The following VTI1B variants were observed in gnomAD, a reference collection of about 807,000 sequenced individuals.
The protein encoded by VTI1B is vesicle transport through interaction with t-SNAREs homolog 1B.
In VTI1B, 18 loss-of-function variants were observed where a neutral mutation model predicts 28.6. That is an observed-to-expected ratio of 0.63 (90% CI 0.43 to 0.93). The LOEUF is 0.93. VTI1B is among the 40% of genes least tolerant of loss of function. VTI1B has a pLI of 0.00. For missense variants in VTI1B, 283 were observed against 297.0 expected, an observed-to-expected ratio of 0.95 and a Z score of 0.35; for synonymous variants, 100 against 107.9, an observed-to-expected ratio of 0.93 and a Z score of 0.46.
At position 67,650,909 on chromosome 14, in the gene VTI1B, G is replaced by T. The variant is rs200608161; in HGVS notation, c.*476C>A. 80 of 1,614,046 alleles carry T rather than the reference G, an allele frequency of 5.0e-5. 1 individual carries two copies. In the African/African-American group the frequency reaches 9.6e-4, roughly 19 times the overall value. On this transcript the variant is annotated 3_prime_UTR_variant, in exon 6 of 6. Coordinates refer to ENST00000554659, the MANE Select transcript of VTI1B (RefSeq NM_006370.3). ...AGATGAATCAGAAAATCAAGCACGT[G>T]TGAGAATTTAGGAGACACTGTGCAC...
At position 67,659,819 on chromosome 14, in the gene VTI1B, C is replaced by T. The variant is rs756837562; in HGVS notation, c.278G>A (p.Arg93Gln). The T allele has an allele frequency of 9.3e-6, 15 of 1,614,034 alleles. No individual in the cohort carries two copies. Among genetic ancestry groups the T allele is most frequent in the African/African-American group, 5.3e-5 (4 of 74,926 alleles). ...TGTCAAAGGTGTGCTTCTCACCTCC[C>T]GATGGAGTTTAGCAAGGTCCTTCCG... is the stretch of plus-strand genomic sequence containing the variant. The part of the protein sequence containing the change: ...NYRKDLAKLH[R>Q]EVRSTPLTAT... The change falls in exon 3 of 6, where the codon CGG becomes CAG. Residue 93 changes from arginine (R) to glutamine (Q), a missense_variant. Transcript: ENST00000554659.
intron 1 of VTI1B, among the ~76,000 whole-genome samples, 176 bp from the exon 2 acceptor site, chr14:67,662,711 C>G (rs1398118132): frequency 6.6e-6 from 1 of 152,104 alleles, no homozygotes; most frequent in Non-Finnish European, 1.5e-5. Context: ...CAAGACCACC[C>G]TGGCCAACCT....
intron 1 of VTI1B, among the ~76,000 whole-genome samples, chr14:67,667,002 T>C (rs947133821): frequency 6.6e-6 from 1 of 152,116 alleles, no homozygotes; most frequent in Non-Finnish European, 1.5e-5. Context: ...CTGGGGAGAA[T>C]GGGCACCATG....
intron 1 of VTI1B, among the ~76,000 whole-genome samples, chr14:67,665,845 CTGTT>C (rs1178827795): frequency 6.6e-6 from 1 of 152,044 alleles, no homozygotes; most frequent in Non-Finnish European, 1.5e-5. Context: ...AAACCCATGG[CTGTT>C]TGTTGTTTAA....
chr14:67,668,210 C>T (rs945894505), intron 1 of VTI1B, among the ~76,000 whole-genome samples: 5 of 152,200 alleles, frequency 3.3e-5, no homozygotes, highest in Admixed American at 1.3e-4. Context: ...GAAATCATGA[C>T]CACAGGCATT....
At position 67,650,947 on chromosome 14, in the gene VTI1B, C is replaced by A; in HGVS notation, c.*438G>T. ...AGACACTGTGCACTGACATGTTTCA[C>A]AACAGGCATTCCAGAATTATGAGGC... is the stretch of plus-strand genomic sequence containing the variant. On this transcript the variant is annotated 3_prime_UTR_variant, in exon 6 of 6. Transcript: ENST00000554659. 6.2e-7 allele frequency: 1 copy of A among 1,603,082 alleles called. No individual in the cohort carries two copies. The highest frequency in any genetic ancestry group is 1.1e-5 in the South Asian group (1 of 90,668).
intron 2 of VTI1B, among the ~76,000 whole-genome samples, chr14:67,661,299 AG>A (rs1421929809): frequency 3.1e-5 from 4 of 129,922 alleles, no homozygotes; most frequent in East Asian, 2.6e-4. Context: ...AAAAAAAAAA[AG>A]TTTTTTTTTT....
At chr14:67,663,095 T>C in intron 1 of VTI1B, 1 of 1,507,030 alleles carries the variant, frequency 6.6e-7, no homozygotes, top group Non-Finnish European at 8.8e-7. Flanking sequence ...GGCAATGACT[T>C]GAACGATGAG....
chr14:67,655,076 A>G (rs1373488140), intron 4 of VTI1B, among the ~76,000 whole-genome samples: 1 of 149,458 alleles, frequency 6.7e-6, no homozygotes, highest in Non-Finnish European at 1.5e-5. Flanking sequence ...ACAGTGGCTC[A>G]TGCCTGTAAT....
Position 67,674,510 on chromosome 14 carries a change from A to ATACG in VTI1B, c.-22_-21insCGTA. ...GCCATGGCGCAGGCCGCGCTGGAGC[A>ATACG]GCGGCCACCGAGATTCGGGGCCCTG... On this transcript the variant is annotated 5_prime_UTR_variant, in exon 1 of 6. It adds an upstream start codon to the 5' untranslated region. Transcript: ENST00000554659. 1 of 1,564,424 alleles carries ATACG rather than the reference A, an allele frequency of 6.4e-7. No individual in the cohort carries two copies. The highest frequency in any genetic ancestry group is 1.9e-5 in the Admixed American group (1 of 53,450).
chr14:67,659,682 C>T, intron 3 of VTI1B, 49 bp downstream of exon 3: 1 of 1,534,638 alleles, frequency 6.5e-7, no homozygotes, highest in African/African-American at 1.4e-5. Context: ...ATTTTTGTAC[C>T]ACAGGCCCTT....
intron 3 of VTI1B, 68 bp downstream of exon 3, chr14:67,659,663 A>G: frequency 6.8e-7 from 1 of 1,468,642 alleles, no homozygotes; most frequent in Non-Finnish European, 9.1e-7. Context: ...TACCCCAACA[A>G]TATAGTTAAT....
chr14:67,656,941 T>A (rs1182725373), intron 3 of VTI1B, among the ~76,000 whole-genome samples: 1 of 152,224 alleles, frequency 6.6e-6, no homozygotes, highest in East Asian at 1.9e-4. Context: ...AGCCCAGATG[T>A]GGGAGCTACC....
Position 67,673,177 on chromosome 14 carries a change from T to C in VTI1B, c.115+1198A>G, listed in dbSNP as rs974645142. Among the ~76,000 whole-genome samples, 141 of 152,252 alleles carry C rather than the reference T, an allele frequency of 9.3e-4. 1 individual carries two copies. Among genetic ancestry groups the C allele is most frequent in the African/African-American group, 1.9e-3 (78 of 41,548 alleles). On this transcript the variant is annotated intron_variant, in intron 1 of 5. Transcript: ENST00000554659. ...GGCCAACATGGCAAAACCCTGTCTCTACTAAAAATACAAAAATAATTAGCT... is the reference window on the plus strand; with the variant it reads ...GGCCAACATGGCAAAACCCTGTCTCCACTAAAAATACAAAAATAATTAGCT...
At chr14:67,665,652 A>G (rs956501656) in intron 1 of VTI1B, among the ~76,000 whole-genome samples, 1 of 152,182 alleles carries the variant, frequency 6.6e-6, no homozygotes, top group African/African-American at 2.4e-5. Context: ...CCTCTGAAAC[A>G]TGGAAATTTA....
chr14:67,653,329 C>A (rs1018045863), intron 5 of VTI1B, 108 bp downstream of exon 5: 2 of 851,364 alleles, frequency 2.3e-6, no homozygotes, highest in African/African-American at 1.7e-5. Flanking sequence ...AGGGACTATG[C>A]GTCAACTGCT....
At position 67,651,462 on chromosome 14, in the gene VTI1B, G is replaced by A; in HGVS notation, c.622C>T (p.Leu208=). The A allele has an allele frequency of 6.2e-7, 1 of 1,613,872 alleles. No individual in the cohort carries two copies. The highest frequency in any genetic ancestry group is 8.5e-7 in the Non-Finnish European group (1 of 1,179,766). Residue 208 remains leucine (L), a synonymous_variant, in exon 6 of 6, where the codon CTG becomes TTG. Coordinates refer to ENST00000554659, the MANE Select transcript of VTI1B (RefSeq NM_006370.3). ...TCCAGTAAGATGATAATGGAAAGCA[G>A]CAGCTTGTTGGTTGTCACTCTACAA... ...MSRKVTTNKL[L]LSIIILLELA...
At position 67,659,871 on chromosome 14, in the gene VTI1B, G is replaced by T. The variant is rs767520894; in HGVS notation, c.226C>A (p.Pro76Thr). ...LRYAPLSFRN[P>T]MMSKLRNYRK... ...TAGTTTCGAAGCTTAGACATCATGG[G>T]GTTTCGGAAAGACAGGGGTGCATAA... Residue 76 changes from proline to threonine, a missense_variant, in exon 3 of 6, where the codon CCC (proline) becomes ACC (threonine). Pro to Thr is a conservative substitution (Grantham distance 38, BLOSUM62 -1). Coordinates refer to ENST00000554659, the MANE Select transcript of VTI1B (RefSeq NM_006370.3). 4.4e-5 allele frequency: 71 copies of T among 1,614,062 alleles called. No individual in the cohort carries two copies. Among genetic ancestry groups the T allele is most frequent in the Admixed American group, 2.5e-4 (15 of 59,998 alleles).
At chr14:67,664,524 T>A (rs2037377487) in intron 1 of VTI1B, among the ~76,000 whole-genome samples, 1 of 148,700 alleles carries the variant, frequency 6.7e-6, no homozygotes, top group South Asian at 2.1e-4. Flanking sequence ...TGAGACAGAG[T>A]CTTGCTCTGT....
Sources: gnomAD v4.1 joint callset for allele counts (sites outside exome capture counted in the v4.1 genomes callset) on GRCh38, gnomAD v4.1.1 for gene constraint, MANE v1.5 for transcripts, NCBI Gene and HGNC (gene_info 2026-07-23, HGNC 2026-07-21) for gene names.